The following FILIP1L variants were observed in gnomAD, a reference collection of about 807,000 sequenced individuals.
FILIP1L encodes the protein filamin A interacting protein 1 like.
In FILIP1L, 55 loss-of-function variants were observed where a neutral mutation model predicts 96.6. That is an observed-to-expected ratio of 0.57 (90% CI 0.46 to 0.71). FILIP1L has a LOEUF of 0.71. FILIP1L is among the 30% of genes least tolerant of loss of function. FILIP1L has a pLI of 0.00. For missense variants in FILIP1L, 1,304 were observed against 1,321.2 expected, an observed-to-expected ratio of 0.99 and a Z score of 0.20; for synonymous variants, 467 against 473.9, an observed-to-expected ratio of 0.99 and a Z score of 0.19.
intron 4 of FILIP1L, among the ~76,000 whole-genome samples, chr3:99,904,762 A>G (rs751919494): frequency 2.4e-4 from 36 of 151,992 alleles, no homozygotes; most frequent in Non-Finnish European, 2.6e-4. Flanking sequence ...ACTTCGTTCT[A>G]TCCATCCTCT....
intron 1 of FILIP1L, among the ~76,000 whole-genome samples, chr3:100,005,994 G>A (rs1263886930): frequency 6.6e-6 from 1 of 152,148 alleles, no homozygotes; most frequent in Non-Finnish European, 1.5e-5. Flanking sequence ...AATGGAGAAT[G>A]GTAGAGAAGG....
chr3:100,080,507 AG>A (rs1337393219), intron 1 of FILIP1L, among the ~76,000 whole-genome samples: 1 of 152,184 alleles, frequency 6.6e-6, no homozygotes, highest in Non-Finnish European at 1.5e-5. Context: ...ATCTGAATTT[AG>A]TACCTGGGGC....
intron 1 of FILIP1L, among the ~76,000 whole-genome samples, chr3:99,999,961 G>A (rs1709795217): frequency 6.6e-6 from 1 of 152,130 alleles, no homozygotes; most frequent in Admixed American, 6.6e-5. Flanking sequence ...CTAGACTCTA[G>A]AACAGTGATT....
intron 1 of FILIP1L, among the ~76,000 whole-genome samples, chr3:99,982,645 A>G (rs1428817022): frequency 6.6e-6 from 1 of 152,098 alleles, no homozygotes; most frequent in Non-Finnish European, 1.5e-5. Context: ...TGCCTGGCCC[A>G]TTCAGCTAAC....
At chr3:99,983,402 ATATATATATATATATATG>A (rs1709196276) in intron 1 of FILIP1L, among the ~76,000 whole-genome samples, 7 of 110,406 alleles carry the variant, frequency 6.3e-5, no homozygotes, top group Non-Finnish European at 1.1e-4. Context: ...ATATATATAT[ATATATATATATATATATG>A]TATGTATGTA....
At chr3:99,846,983 C>T (rs771860584) in intron 5 of FILIP1L, among the ~76,000 whole-genome samples, 1 of 152,264 alleles carries the variant, frequency 6.6e-6, no homozygotes, top group South Asian at 2.1e-4. Context: ...GTTCTCTGCT[C>T]AGAAGTATGG....
chr3:99,922,552 A>T (rs1707157755), intron 4 of FILIP1L, among the ~76,000 whole-genome samples: 1 of 152,212 alleles, frequency 6.6e-6, no homozygotes, highest in South Asian at 2.1e-4. Flanking sequence ...ATGGAAAATA[A>T]ATGAAAGTTT....
rs147075893 is a variant in FILIP1L at position 100,092,566 on chromosome 3, C to G, written c.-11+21487G>C. ...TGTGTATATCTTGTATTTGCATGCC[C>G]AGTACACATACCCCAGTTGGAAGGC... On this transcript the variant is annotated intron_variant, in intron 1 of 5. Coordinates refer to ENST00000477258, the MANE Select transcript of FILIP1L (RefSeq NM_001387850.1). Among the ~76,000 whole-genome samples the G allele has an allele frequency of 2.6e-3, 385 of 150,630 alleles. 1 individual carries two copies. Among genetic ancestry groups the G allele is most frequent in the Non-Finnish European group, 3.9e-3 (267 of 67,670 alleles).
intron 4 of FILIP1L, among the ~76,000 whole-genome samples, chr3:99,877,246 A>C (rs901814429): frequency 3.9e-5 from 6 of 152,224 alleles, no homozygotes; most frequent in Non-Finnish European, 7.3e-5. Flanking sequence ...ACCTCTTTTA[A>C]AATTACATTA....
intron 1 of FILIP1L, among the ~76,000 whole-genome samples, chr3:100,029,048 G>A (rs1348504637): frequency 6.6e-6 from 1 of 152,006 alleles, no homozygotes; most frequent in East Asian, 1.9e-4. Context: ...TTTTGAGCCT[G>A]GAATGGTGGT....
intron 3 of FILIP1L, among the ~76,000 whole-genome samples, chr3:99,927,172 T>C (rs1707318753): frequency 6.6e-6 from 1 of 152,220 alleles, no homozygotes; most frequent in African/African-American, 2.4e-5. Flanking sequence ...TCTTTTTTCC[T>C]CTTTCACCAA....
At chr3:99,901,004 T>G (rs1706417864) in intron 4 of FILIP1L, among the ~76,000 whole-genome samples, 1 of 152,236 alleles carries the variant, frequency 6.6e-6, no homozygotes, top group African/African-American at 2.4e-5. Flanking sequence ...TTGCTTTGCT[T>G]CTTATTGATA....
At chr3:100,085,882 A>G (rs1186696815) in intron 1 of FILIP1L, among the ~76,000 whole-genome samples, 2 of 152,088 alleles carry the variant, frequency 1.3e-5, no homozygotes, top group African/African-American at 4.8e-5. Context: ...AGAGTAATAT[A>G]CTCCCAAGTT....
chr3:99,945,212 A>G (rs1354740101), intron 1 of FILIP1L, among the ~76,000 whole-genome samples: 3 of 152,144 alleles, frequency 2.0e-5, no homozygotes, highest in African/African-American at 7.2e-5. Context: ...GTTTCTTCTC[A>G]TGTCTTCCTC....
At chr3:100,064,923 G>T (rs2065637928) in intron 1 of FILIP1L, among the ~76,000 whole-genome samples, 1 of 152,194 alleles carries the variant, frequency 6.6e-6, no homozygotes, top group Admixed American at 6.5e-5. Context: ...AACATGTATT[G>T]CTGTTGCTGC....
chr3:100,028,403 C>G (rs1207113274), intron 1 of FILIP1L, among the ~76,000 whole-genome samples: 9 of 152,096 alleles, frequency 5.9e-5, no homozygotes, highest in Admixed American at 5.9e-4. Context: ...TGCTATATTC[C>G]AGGCAACAGC....
chr3:100,058,616 C>T lies in FILIP1L; in HGVS notation c.-11+55437G>A, dbSNP rs74599673. On this transcript the variant is annotated intron_variant, in intron 1 of 5. Transcript: ENST00000477258. ...GTGGACAAAGAGAAAAGTTTCTCTC[C>T]GCTTTTTTTCTCCTCTAAATTCCCA... is the stretch of plus-strand genomic sequence containing the variant. 3.2e-3 allele frequency among the ~76,000 whole-genome samples: 483 copies of T among 152,310 alleles called. 1 individual carries two copies. Among genetic ancestry groups the T allele is most frequent in the Middle Eastern group, 0.014 (4 of 294 alleles).
intron 4 of FILIP1L, among the ~76,000 whole-genome samples, chr3:99,872,878 C>T (rs1705304225): frequency 6.6e-6 from 1 of 150,540 alleles, no homozygotes; most frequent in Non-Finnish European, 1.5e-5. Context: ...CAGGCAGAGA[C>T]GATGTTAGTG....
chr3:100,030,132 A>G (rs1363017589), intron 1 of FILIP1L, among the ~76,000 whole-genome samples: 1 of 152,188 alleles, frequency 6.6e-6, no homozygotes, highest in African/African-American at 2.4e-5. Context: ...ACACTTGCCT[A>G]AAGTCACACA....
Sources: allele counts gnomAD v4.1 joint callset (sites outside exome capture counted in the v4.1 genomes callset), GRCh38; gene constraint gnomAD v4.1.1; transcripts MANE v1.5; gene names NCBI Gene and HGNC (gene_info 2026-07-23, HGNC 2026-07-21).